OGA: variants seen among roughly 807,000 people sequenced by gnomAD.
The protein encoded by OGA is protein O-GlcNAcase.
OGA carries 21 observed loss-of-function variants against 102.0 expected under a neutral mutation model. The ratio of observed to expected loss-of-function variants is 0.21; its 90% CI spans 0.15 to 0.30. OGA has a LOEUF of 0.30. OGA is among the 10% of genes least tolerant of loss of function. The pLI is 1.00. For synonymous variants in OGA, 408 were observed against 378.2 expected (o/e 1.08, Z -0.91); for missense variants, 765 against 1,107.8 (o/e 0.69, Z 4.39).
chr10:101,791,144 G>C, intron 13 of OGA, 56 bp from the exon 14 acceptor site: 1 of 1,524,014 alleles, frequency 6.6e-7, no homozygotes, highest in Non-Finnish European at 8.9e-7. Flanking sequence ...ATAAAATTCA[G>C]ACTTCAGTGA....
chr10:101,801,875 A>G (rs1363652118), intron 7 of OGA, among the ~76,000 whole-genome samples: 1 of 152,190 alleles, frequency 6.6e-6, no homozygotes, highest in Admixed American at 6.5e-5. Context: ...GGCTGGGCAC[A>G]GTGGCTCACG....
intron 14 of OGA, among the ~76,000 whole-genome samples, chr10:101,788,421 GAAAA>G (rs767434249): frequency 1.3e-4 from 13 of 102,262 alleles, no homozygotes; most frequent in Non-Finnish European, 2.0e-4. Context: ...CCTGGGCGGG[GAAAA>G]AAAAAAAAAA....
intron 3 of OGA, among the ~76,000 whole-genome samples, chr10:101,812,527 A>G (rs2065572272): frequency 6.6e-6 from 1 of 152,272 alleles, no homozygotes; most frequent in East Asian, 1.9e-4. Flanking sequence ...TAGAGCCTGA[A>G]GCAAAAGGAA....
chr10:101,805,483 C>T (rs558723237), intron 6 of OGA, among the ~76,000 whole-genome samples: 18 of 150,260 alleles, frequency 1.2e-4, no homozygotes, highest in African/African-American at 4.2e-4. Context: ...GGAGAAACCC[C>T]GTCTCTACTA....
In OGA at chr10:101,813,010, G is replaced by A. The variant is rs767732297; in HGVS notation, c.349+20C>T. On this transcript the variant is annotated intron_variant, in intron 3 of 15. Coordinates refer to ENST00000361464, the MANE Select transcript of OGA (RefSeq NM_012215.5). The stretch of plus-strand genomic sequence containing the variant: ...TTTCTTCACAGATTTTGAATTTATG[G>A]ATAAAAAGAAAAAGATTACCAGCTT... 9.4e-5 allele frequency: 144 copies of A among 1,531,256 alleles called. No homozygotes were observed. Among genetic ancestry groups the A allele is most frequent in the Non-Finnish European group, 1.3e-4 (142 of 1,111,046 alleles). 94.9% of individuals were successfully genotyped at this position (1,531,256 alleles called of 1,614,324 possible).
rs534812623 is a variant in OGA at position 101,802,600 on chromosome 10, C to T, written c.1036+1135G>A. ...AGGAGAATCACTTGAACCTGGGAGG[C>T]GGAGGTTGCAGGGAGCTGAGATTGC... On this transcript the variant is annotated intron_variant, in intron 7 of 15. Transcript: ENST00000361464. 4.7e-5 allele frequency among the ~76,000 whole-genome samples: 7 copies of T among 149,584 alleles called. 1 individual carries two copies. The highest frequency in any genetic ancestry group is 4.4e-4 in the South Asian group (2 of 4,530).
Position 101,798,936 on chromosome 10 carries a change from C to G in OGA, c.1715G>C (p.Gly572Ala). The G allele has an allele frequency of 6.2e-7, 1 of 1,614,140 alleles. No individual in the cohort carries two copies. Among genetic ancestry groups the G allele is most frequent in the Non-Finnish European group, 8.5e-7 (1 of 1,180,014 alleles). ...CCGTAACATCTGTGCTCCTTTGGGT[C>G]CATGCTCGTAAGGAAGGTAGAATAG... ...ADLFYLPYEH[G>A]PKGAQMLREF... Residue 572 changes from glycine to alanine, a missense_variant, in exon 9 of 16, where the codon GGA becomes GCA. Gly to Ala is a moderately conservative substitution (Grantham distance 60). Transcript: ENST00000361464.
intron 10 of OGA, among the ~76,000 whole-genome samples, chr10:101,795,602 A>C (rs557570719): frequency 4.6e-5 from 7 of 152,212 alleles, no homozygotes; most frequent in Non-Finnish European, 1.0e-4. Context: ...AAGGGTTCCA[A>C]TCAGTAAACC....
chr10:101,793,486 G>A (rs1012813519), intron 11 of OGA, among the ~76,000 whole-genome samples: 16 of 152,346 alleles, frequency 1.1e-4, no homozygotes, highest in Non-Finnish European at 2.2e-4. Context: ...CATATTTTCA[G>A]CAATGGACAA....
At chr10:101,800,455 T>C (rs34660940) in intron 7 of OGA, 55 bp from the exon 8 acceptor site, 62 of 1,418,920 alleles carry the variant, frequency 4.4e-5, no homozygotes, top group East Asian at 1.1e-4. Flanking sequence ...AAAAGCCTTC[T>C]GACAAGTGAG....
In OGA at chr10:101,804,004, G is replaced by T; in HGVS notation, c.767C>A (p.Ser256Tyr). Reference sequence around the variant, plus strand: ...GATGGACTCTACTGGAATTTCTTTAGAAACAACTTTGGGACCTAGAAATAA... The same window carrying T: ...GATGGACTCTACTGGAATTTCTTTATAAACAACTTTGGGACCTAGAAATAA... ...EVLWTGPKVV[S>Y]KEIPVESIEE... Residue 256 changes from serine to tyrosine, a missense_variant, in exon 7 of 16, where the codon TCT becomes TAT. Ser to Tyr is a moderately radical substitution (Grantham distance 144, BLOSUM62 -2). Around this residue, in one of 7 missense-constraint regions of OGA, gnomAD observed 165 missense variants for 249.7 expected, o/e 0.66. Coordinates refer to ENST00000361464, the MANE Select transcript of OGA (RefSeq NM_012215.5). 6.2e-7 allele frequency: 1 copy of T among 1,609,314 alleles called. No homozygotes were observed.
At position 101,813,948 on chromosome 10, in the gene OGA, TC is replaced by T. The variant is rs1392250632; in HGVS notation, c.200-343del. Among the ~76,000 whole-genome samples, 169 of 152,298 alleles carry T rather than the reference TC, an allele frequency of 1.1e-3. 1 individual carries two copies. The highest frequency in any genetic ancestry group is 1.9e-4 in the Non-Finnish European group (13 of 68,030). Reference sequence around the variant, plus strand: ...ATTCCAATTTTTTAAGAGATCTCAATCTTATAATGGGGAACGGCAGCAATGT... The same window carrying T: ...ATTCCAATTTTTTAAGAGATCTCAATTTATAATGGGGAACGGCAGCAATGT... On this transcript the variant is annotated intron_variant, in intron 1 of 15. Transcript: ENST00000361464.
At position 101,799,295 on chromosome 10, in the gene OGA, G is replaced by A; in HGVS notation, c.1356C>T (p.Thr452=). The change falls in exon 9 of 16, where the codon ACC becomes ACT. Residue 452 remains threonine, a synonymous_variant. Transcript: ENST00000361464. ...CAGGCTGTTTCTTTTCTTCTTCCTT[G>A]GTCAGAGTAGTAGGCTCACCACTCA... The part of the protein sequence containing the change: ...AALSGEPTTL[T]KEEEKKQPDE... The A allele has an allele frequency of 6.2e-7, 1 of 1,613,924 alleles. No homozygotes were observed. The highest frequency in any genetic ancestry group is 8.5e-7 in the Non-Finnish European group (1 of 1,179,980).
At position 101,803,765 on chromosome 10, in the gene OGA, T is replaced by C. The variant is rs1199792429; in HGVS notation, c.1006A>G (p.Met336Val). The C allele has an allele frequency of 1.2e-6, 2 of 1,614,168 alleles. No individual in the cohort carries two copies. Among genetic ancestry groups the C allele is most frequent in the Non-Finnish European group, 1.7e-6 (2 of 1,179,996 alleles). The change falls in exon 7 of 16, where the codon ATG (methionine) becomes GTG (valine). Residue 336 changes from methionine (M) to valine (V), a missense_variant. Met to Val is a conservative substitution (Grantham distance 21). Around this residue, in one of 7 missense-constraint regions of OGA, gnomAD observed 33 missense variants for 52.5 expected, o/e 0.63. Transcript: ENST00000361464. The part of the protein sequence containing the change: ...HTLATWYKSN[M>V]NGVRKDVVMT... Reference sequence around the variant, plus strand: ...ACTACATCTTTTCTCACTCCATTCATGTTTGATTTGTACCAGGTGGCAAGG... The same window carrying C: ...ACTACATCTTTTCTCACTCCATTCACGTTTGATTTGTACCAGGTGGCAAGG...
intron 1 of OGA, 120 bp downstream of exon 1, chr10:101,817,704 G>T: frequency 1.8e-6 from 2 of 1,131,736 alleles, no homozygotes; most frequent in Non-Finnish European, 2.5e-6. Context: ...CTTTAGGAGG[G>T]CCACATTTCA....
chr10:101,810,463 C>T (rs1378553639), intron 3 of OGA, 149 bp from the exon 4 acceptor site: 1 of 694,926 alleles, frequency 1.4e-6, no homozygotes, highest in Non-Finnish European at 2.3e-6. Context: ...AACTTAACAA[C>T]AGGCCATACA....
At chr10:101,794,182 T>C (rs923610964) in intron 10 of OGA, 184 bp from the exon 11 acceptor site, 1 of 418,432 alleles carries the variant, frequency 2.4e-6, no homozygotes. Context: ...ATACTAATGT[T>C]CCTTCCTCCA....
Position 101,818,181 on chromosome 10 carries a change from C to A in OGA, c.-159G>T. On this transcript the variant is annotated 5_prime_UTR_variant, in exon 1 of 16. Coordinates refer to ENST00000361464, the MANE Select transcript of OGA (RefSeq NM_012215.5). ...CCTTCCCCCTCCCTCTCCGCAGGGA[C>A]CCGAATGCCCGGATGAGAAGGGCGG... 7.4e-7 allele frequency: 1 copy of A among 1,357,102 alleles called. No individual in the cohort carries two copies. The highest frequency in any genetic ancestry group is 1.5e-5 in the African/African-American group (1 of 65,456). 84.1% of individuals were successfully genotyped at this position (1,357,102 alleles called of 1,614,324 possible).
At chr10:101,800,107 A>G in intron 8 of OGA, 135 bp downstream of exon 8, 1 of 890,520 alleles carries the variant, frequency 1.1e-6, no homozygotes, top group Non-Finnish European at 1.7e-6. Flanking sequence ...TCCTGACCTC[A>G]GGTGATCCGC....
Sources: allele counts gnomAD v4.1 joint callset (sites outside exome capture counted in the v4.1 genomes callset), GRCh38; gene constraint gnomAD v4.1.1; regional missense constraint gnomAD v4.1.1; transcripts MANE v1.5; gene names NCBI Gene and HGNC (gene_info 2026-07-23, HGNC 2026-07-21).